Variants in DTNBP1 observed in about 807,000 individuals in gnomAD.
The protein encoded by DTNBP1 is dysbindin.
In DTNBP1, 35 loss-of-function variants were observed where a neutral mutation model predicts 42.8. The observed-to-expected ratio is 0.82, with a 90% CI of 0.63 to 1.09. The LOEUF is 1.09. DTNBP1 is among the 50% of genes least tolerant of loss of function. The pLI is 0.00. For synonymous variants in DTNBP1, 171 were observed against 162.2 expected (o/e 1.05, Z -0.41); for missense variants, 457 against 424.2 (o/e 1.08, Z -0.68).
chr6:15,637,714 C>T (rs1489135257), intron 4 of DTNBP1, 30 bp downstream of exon 4: 2 of 1,611,774 alleles, frequency 1.2e-6, no homozygotes, highest in Admixed American at 1.7e-5. Context: ...GGAAAGTTTG[C>T]CACGAGTATA....
chr6:15,614,485 G>A (rs992139618), intron 6 of DTNBP1, among the ~76,000 whole-genome samples: 1 of 152,114 alleles, frequency 6.6e-6, no homozygotes, highest in African/African-American at 2.4e-5. Context: ...CAGTTCCAGA[G>A]GCGCCCAGCA....
chr6:15,611,496 CTTA>C (rs1003479574), intron 6 of DTNBP1, among the ~76,000 whole-genome samples: 2 of 152,294 alleles, frequency 1.3e-5, no homozygotes, highest in African/African-American at 4.8e-5. Context: ...ACTTTCAAGT[CTTA>C]TTATTTAAGA....
At position 15,615,308 on chromosome 6, in the gene DTNBP1, A is replaced by G. The variant is rs371936098; in HGVS notation, c.447T>C (p.His149=). The G allele has an allele frequency of 3.2e-5, 51 of 1,614,026 alleles. No individual in the cohort carries two copies. Among genetic ancestry groups the G allele is most frequent in the Non-Finnish European group, 4.3e-5 (51 of 1,180,022 alleles). ...AATTCTCCAGTTGCTGGGACTGCAT[A>G]TGTTTGCATCTTTCTAATTCACACT... ...CGQCELERCK[H]MQSQQLENYK... is the part of the protein sequence containing the mutation. The change falls in exon 6 of 10, where the codon CAT becomes CAC. Residue 149 remains histidine, a synonymous_variant. Coordinates refer to ENST00000344537, the MANE Select transcript of DTNBP1 (RefSeq NM_032122.5).
chr6:15,552,864 G>T (rs555853268), intron 7 of DTNBP1, among the ~76,000 whole-genome samples: 129 of 152,178 alleles, frequency 8.5e-4, no homozygotes, highest in African/African-American at 2.9e-3. Flanking sequence ...ATACTTTCAG[G>T]TCTTCTATGT....
intron 7 of DTNBP1, among the ~76,000 whole-genome samples, chr6:15,555,311 T>C (rs927573205): frequency 1.3e-5 from 2 of 151,970 alleles, no homozygotes; most frequent in Admixed American, 1.3e-4. Context: ...GTCAAAGGCA[T>C]TAGAACCAGA....
chr6:15,623,142 A>G (rs1187241371), intron 5 of DTNBP1, among the ~76,000 whole-genome samples: 1 of 152,216 alleles, frequency 6.6e-6, no homozygotes, highest in African/African-American at 2.4e-5. Flanking sequence ...TAGTAGCCTA[A>G]AAGGTGTCTA....
At chr6:15,569,775 G>A (rs7771339) in intron 7 of DTNBP1, among the ~76,000 whole-genome samples, 4,639 of 152,064 alleles carry the variant, frequency 0.031, 81 homozygotes, top group Non-Finnish European at 0.048. Flanking sequence ...TAGAAATTTC[G>A]TGCCCACTCG....
At chr6:15,627,297 T>G (rs750679958) in intron 5 of DTNBP1, 46 bp downstream of exon 5, 2 of 1,607,480 alleles carry the variant, frequency 1.2e-6, no homozygotes, top group Non-Finnish European at 1.7e-6. Context: ...CTGCCCAAGT[T>G]GTTTTCATTC....
chr6:15,565,833 T>C (rs963915120), intron 7 of DTNBP1, among the ~76,000 whole-genome samples: 5 of 152,232 alleles, frequency 3.3e-5, no homozygotes, highest in Admixed American at 1.3e-4. Flanking sequence ...TTATGGCTTG[T>C]AGATTATACC....
chr6:15,615,714 C>T (rs540856446), intron 5 of DTNBP1, among the ~76,000 whole-genome samples: 1 of 152,330 alleles, frequency 6.6e-6, no homozygotes, highest in African/African-American at 2.4e-5. Flanking sequence ...CCATATACCA[C>T]ATGTGAATAA....
At chr6:15,612,602 C>T (rs1048473146) in intron 6 of DTNBP1, among the ~76,000 whole-genome samples, 2 of 152,210 alleles carry the variant, frequency 1.3e-5, no homozygotes, top group East Asian at 3.9e-4. Context: ...TCAGAGCTGG[C>T]AGCCACTGAC....
chr6:15,527,679 G>A (rs922812955), intron 8 of DTNBP1, among the ~76,000 whole-genome samples: 9 of 152,092 alleles, frequency 5.9e-5, no homozygotes, highest in African/African-American at 2.2e-4. Context: ...CAAAGAAGCT[G>A]GTTCTTTAGG....
At chr6:15,529,702 G>A (rs571038533) in intron 8 of DTNBP1, among the ~76,000 whole-genome samples, 2 of 152,340 alleles carry the variant, frequency 1.3e-5, no homozygotes, top group East Asian at 3.9e-4. Flanking sequence ...CACAGACCAG[G>A]ACATCTCCGA....
At chr6:15,659,974 T>G (rs1005288134) in intron 1 of DTNBP1, among the ~76,000 whole-genome samples, 7 of 152,214 alleles carry the variant, frequency 4.6e-5, no homozygotes, top group African/African-American at 1.7e-4. Context: ...AGCTTCCCCA[T>G]GTGGCCCTTT....
intron 1 of DTNBP1, among the ~76,000 whole-genome samples, chr6:15,656,324 C>T (rs1761278316): frequency 6.6e-6 from 1 of 152,176 alleles, no homozygotes; most frequent in South Asian, 2.1e-4. Context: ...AGCCATCTGA[C>T]AACTATTTTC....
chr6:15,660,298 A>C, intron 1 of DTNBP1: 1 of 1,246,322 alleles, frequency 8.0e-7, no homozygotes, highest in Non-Finnish European at 1.1e-6. Context: ...TCAAGGCAAA[A>C]ATAATCAGTT....
intron 7 of DTNBP1, among the ~76,000 whole-genome samples, chr6:15,566,586 C>A (rs543737270): frequency 1.1e-4 from 16 of 151,812 alleles, no homozygotes; most frequent in African/African-American, 3.6e-4. Context: ...CCTCACATGA[C>A]AGATAAAGAA....
At position 15,546,251 on chromosome 6, in the gene DTNBP1, A is replaced by T. The variant is rs748829309; in HGVS notation, c.512-12856T>A. On this transcript the variant is annotated intron_variant, in intron 7 of 9. Coordinates refer to ENST00000344537, the MANE Select transcript of DTNBP1 (RefSeq NM_032122.5). ...CAACTACTTTTTGTATTTTTAGTAG[A>T]GATGGGGTTTCATCATGTTGGTCAG... Among the ~76,000 whole-genome samples, 33 of 151,912 alleles carry T rather than the reference A, an allele frequency of 2.2e-4. 2 individuals carry two copies. In the Middle Eastern group the frequency reaches 0.02, roughly 94 times the overall value.
chr6:15,527,936 T>C (rs1398566903), intron 8 of DTNBP1, among the ~76,000 whole-genome samples: 3 of 151,988 alleles, frequency 2.0e-5, no homozygotes, highest in African/African-American at 4.8e-5. Flanking sequence ...AAAAAAAGAA[T>C]AGGTAACTCT....
Sources: gnomAD v4.1 joint callset for allele counts (sites outside exome capture counted in the v4.1 genomes callset) on GRCh38, gnomAD v4.1.1 for gene constraint, MANE v1.5 for transcripts, NCBI Gene and HGNC (gene_info 2026-07-23, HGNC 2026-07-21) for gene names.